WIPF1: variants seen among roughly 807,000 people sequenced by gnomAD.
WIPF1 encodes WAS/WASL interacting protein family member 1.
WIPF1 carries 13 observed loss-of-function variants against 35.4 expected under a neutral mutation model. The ratio of observed to expected loss-of-function variants is 0.37; its 90% CI spans 0.24 to 0.58. The LOEUF is 0.58. Ranked by LOEUF, WIPF1 falls within the 20% of genes least tolerant of loss-of-function variation. The pLI is 0.74. For missense variants in WIPF1, 591 were observed against 667.0 expected (o/e 0.89, Z 1.25); for synonymous variants, 267 against 266.3 (o/e 1.00, Z -0.02).
In WIPF1 at chr2:174,562,434, T is replaced by C. The variant is rs760849947; in HGVS notation, c.*113A>G. The stretch of plus-strand genomic sequence containing the variant: ...GCATATTCCCACTCCCCCTCCCACC[T>C]TTCCTCCTGCCCATACATGAGGCAC... On this transcript the variant is annotated 3_prime_UTR_variant, in exon 8 of 8. Transcript: ENST00000679041. 59 of 1,569,784 alleles carry C rather than the reference T, an allele frequency of 3.8e-5. No individual in the cohort carries two copies. The Admixed American group carries it at 9.9e-4, about 26-fold the overall frequency.
At chr2:174,606,316 A>G (rs1247084068) in intron 1 of WIPF1, among the ~76,000 whole-genome samples, 1 of 152,364 alleles carries the variant, frequency 6.6e-6, no homozygotes, top group East Asian at 1.9e-4. Context: ...AAAAAAACCA[A>G]TGAAAATCCC....
intron 1 of WIPF1, among the ~76,000 whole-genome samples, chr2:174,650,735 C>A (rs1687518332): frequency 6.6e-6 from 1 of 152,236 alleles, no homozygotes; most frequent in Non-Finnish European, 1.5e-5. Flanking sequence ...TCTATTATTT[C>A]TTCATCCCTA....
intron 1 of WIPF1, among the ~76,000 whole-genome samples, chr2:174,591,676 A>ACACACACT (rs1685615244): frequency 7.3e-6 from 1 of 136,262 alleles, no homozygotes; most frequent in African/African-American, 2.8e-5. Flanking sequence ...TGTTGCTTAC[A>ACACACACT]CACACACACA....
At chr2:174,603,912 AATAAT>A (rs1190732548) in intron 1 of WIPF1, among the ~76,000 whole-genome samples, 5 of 152,358 alleles carry the variant, frequency 3.3e-5, no homozygotes, top group Non-Finnish European at 5.9e-5. Flanking sequence ...TTCTGGAAGA[AATAAT>A]AGAGAATTAT....
intron 1 of WIPF1, among the ~76,000 whole-genome samples, chr2:174,661,207 C>A (rs531142822): frequency 6.6e-6 from 1 of 152,350 alleles, no homozygotes; most frequent in South Asian, 2.1e-4. Flanking sequence ...CCTGACCGGG[C>A]AGGCAGGTGT....
intron 5 of WIPF1, among the ~76,000 whole-genome samples, chr2:174,568,385 T>C (rs2105798387): frequency 6.6e-6 from 1 of 152,244 alleles, no homozygotes; most frequent in East Asian, 1.9e-4. Context: ...CAACCGTATA[T>C]TTAAAAAAAC....
At chr2:174,625,994 A>G (rs1208133099) in intron 1 of WIPF1, 1 of 152,236 alleles carries the variant, frequency 6.6e-6, no homozygotes, top group Non-Finnish European at 1.5e-5. Context: ...ATTCATTAAA[A>G]TTTGTAAAAC....
chr2:174,661,770 T>C (rs746876749), intron 1 of WIPF1, among the ~76,000 whole-genome samples: 1 of 152,142 alleles, frequency 6.6e-6, no homozygotes, highest in Non-Finnish European at 1.5e-5. Context: ...GTTGAATGAA[T>C]AGATCAAGCA....
intron 1 of WIPF1, among the ~76,000 whole-genome samples, chr2:174,633,804 A>G (rs558837670): frequency 6.6e-6 from 1 of 152,104 alleles, no homozygotes; most frequent in African/African-American, 2.4e-5. Context: ...CGGCCTCTTC[A>G]CGGCCTGCTG....
chr2:174,654,282 C>T lies in WIPF1; in HGVS notation c.-39+28492G>A, dbSNP rs556135772. 3.3e-5 allele frequency among the ~76,000 whole-genome samples: 5 copies of T among 152,302 alleles called. No individual in the cohort carries two copies. The South Asian group carries it at 1.0e-3, about 32-fold the overall frequency. On this transcript the variant is annotated intron_variant, in intron 1 of 8. Transcript: ENST00000272746. ...TGTCAAATCACTTGGGAATAGACAA[C>T]AAAGTGTTCTACTAAATTTCTTTTT...
At chr2:174,607,174 C>T (rs1686195178) in intron 1 of WIPF1, among the ~76,000 whole-genome samples, 1 of 152,150 alleles carries the variant, frequency 6.6e-6, no homozygotes, top group Non-Finnish European at 1.5e-5. Flanking sequence ...GAGGCTGAGG[C>T]AGGCGGATCA....
At chr2:174,652,670 A>C (rs1687557013) in intron 1 of WIPF1, among the ~76,000 whole-genome samples, 1 of 152,138 alleles carries the variant, frequency 6.6e-6, no homozygotes, top group Admixed American at 6.5e-5. Flanking sequence ...TGAGGTGGCA[A>C]ACTCAAACTC....
intron 1 of WIPF1, among the ~76,000 whole-genome samples, chr2:174,652,851 C>T (rs1574861700): frequency 6.6e-6 from 1 of 151,000 alleles, no homozygotes; most frequent in Non-Finnish European, 1.5e-5. Flanking sequence ...TGAACCATAG[C>T]TTATAATCCT....
chr2:174,612,710 G>A lies in WIPF1; in HGVS notation c.-38-27099C>T, dbSNP rs1027864908. ...GACGTTTCAAAATCTTTGCCAATTTGATAGGTTTATTTATTGTCTTCTCCA... is the reference window on the plus strand; with the variant it reads ...GACGTTTCAAAATCTTTGCCAATTTAATAGGTTTATTTATTGTCTTCTCCA... On this transcript the variant is annotated intron_variant, in intron 1 of 8. Coordinates refer to the WIPF1 transcript ENST00000272746. Among the ~76,000 whole-genome samples the A allele has an allele frequency of 2.6e-5, 4 of 151,668 alleles. No homozygotes were observed. The South Asian group carries it at 8.3e-4, about 31-fold the overall frequency.
At chr2:174,635,525 G>GGTTT (rs1687158297) in intron 1 of WIPF1, among the ~76,000 whole-genome samples, 3 of 126,186 alleles carry the variant, frequency 2.4e-5, no homozygotes, top group African/African-American at 9.4e-5. Context: ...GGTGCCTTCT[G>GGTTT]TTTGTTTTTT....
At chr2:174,589,595 T>C (rs940680412) in intron 1 of WIPF1, among the ~76,000 whole-genome samples, 1 of 151,990 alleles carries the variant, frequency 6.6e-6, no homozygotes, top group African/African-American at 2.4e-5. Flanking sequence ...ACACCCAGAG[T>C]CTGTGGATAG....
intron 2 of WIPF1, among the ~76,000 whole-genome samples, chr2:174,584,168 G>A (rs1482933717): frequency 1.3e-5 from 2 of 152,118 alleles, no homozygotes; most frequent in Non-Finnish European, 2.9e-5. Context: ...TTAGAAAAAT[G>A]AATTAGTTTT....
chr2:174,579,350 A>C (rs545726173), intron 3 of WIPF1, among the ~76,000 whole-genome samples: 25 of 152,332 alleles, frequency 1.6e-4, no homozygotes, highest in African/African-American at 6.0e-4. Flanking sequence ...TTTCAGAAAG[A>C]GAAGCTAAAG....
At chr2:174,611,029 G>A (rs1210515340) in intron 1 of WIPF1, among the ~76,000 whole-genome samples, 1 of 152,208 alleles carries the variant, frequency 6.6e-6, no homozygotes, top group Non-Finnish European at 1.5e-5. Flanking sequence ...GAGCAGCTGT[G>A]CTAGGGCTCC....
Sources: gnomAD v4.1 joint callset for allele counts (sites outside exome capture counted in the v4.1 genomes callset) on GRCh38, gnomAD v4.1.1 for gene constraint, MANE v1.5 for transcripts, NCBI Gene and HGNC (gene_info 2026-07-23, HGNC 2026-07-21) for gene names.